RAE1: variants seen among roughly 807,000 people sequenced by gnomAD.
RAE1 encodes the protein ribonucleic acid export 1.
A neutral mutation model predicts 52.7 loss-of-function variants in RAE1; 13 were observed. The observed-to-expected ratio is 0.25, with a 90% confidence interval of 0.16 to 0.39. The LOEUF (loss-of-function observed/expected upper bound fraction) is 0.39, where lower values mean the gene tolerates loss of function less well. RAE1 is among the 10% of genes least tolerant of loss of function. The probability of loss-of-function intolerance (pLI) is 1.00; values close to 1 mark genes in which losing one functional copy is unlikely to be tolerated. For missense variants in RAE1, 262 were observed against 459.8 expected, an observed-to-expected ratio of 0.57 and a Z score of 3.93; for synonymous variants, 164 against 153.1, an observed-to-expected ratio of 1.07 and a Z score of -0.52.
chr20:57,361,885 G>T (rs2066896694), intron 4 of RAE1, among the ~76,000 whole-genome samples: 1 of 152,256 alleles, frequency 6.6e-6, no homozygotes, highest in Non-Finnish European at 1.5e-5. Context: ...TCCATGGCCT[G>T]TTAGGAACTA....
Position 57,368,723 on chromosome 20 carries a change from G to A in RAE1, c.553G>A (p.Val185Met), listed in dbSNP as rs747894061. 1 of 1,613,360 alleles carries A rather than the reference G, an allele frequency of 6.2e-7. No individual in the cohort carries two copies. The change falls in exon 8 of 12, where the codon GTG (valine) becomes ATG (methionine). Residue 185 changes from valine to methionine, a missense_variant. By Grantham distance (21) the Val-to-Met change is conservative. Transcript: ENST00000395841. ...TCCCTAGATATACCCCATGGCTGTG[G>A]TGGCAACTGCAGAGAGGGGCCTGAT... ...CADVIYPMAV[V>M]ATAERGLIVY...
At chr20:57,373,322 G>GT in intron 8 of RAE1, 153 bp from the exon 9 acceptor site, 1 of 679,450 alleles carries the variant, frequency 1.5e-6, no homozygotes, top group Non-Finnish European at 2.5e-6. Flanking sequence ...TTACTAAGGA[G>GT]TTAGAAAGCA....
chr20:57,374,917 G>A (rs1381652890), intron 11 of RAE1, 116 bp downstream of exon 11: 5 of 1,168,586 alleles, frequency 4.3e-6, no homozygotes, highest in Non-Finnish European at 6.3e-6. Context: ...TCCTTGGGCA[G>A]GTCACCGTCC....
Position 57,374,778 on chromosome 20 carries a change from G to C in RAE1, c.997G>C (p.Ala333Pro), listed in dbSNP as rs754396331. ...TCACAATGGAAACATATTTGCATAC[G>C]CTTCCAGCTACGACTGGTCAAAGGT... The part of the protein sequence containing the change: ...FNHNGNIFAY[A>P]SSYDWSKGHE... The change falls in exon 11 of 12, where the codon GCT (alanine) becomes CCT (proline). Residue 333 changes from alanine (A) to proline (P), a missense_variant. Ala to Pro is a conservative substitution (Grantham distance 27). Transcript: ENST00000395841. 1.2e-6 allele frequency: 2 copies of C among 1,614,154 alleles called. No individual in the cohort carries two copies. Among genetic ancestry groups the C allele is most frequent in the Non-Finnish European group, 1.7e-6 (2 of 1,180,044 alleles).
At position 57,356,527 on chromosome 20, in the gene RAE1, T is replaced by A; in HGVS notation, c.277T>A (p.Cys93Ser). ...GCACACTGGGCCTGTGCTTGATGTC[T>A]GCTGGAGTGACGTACGTTCCCTTCC... is the stretch of plus-strand genomic sequence containing the variant. ...QMHTGPVLDV[C>S]WSDDGSKVFT... is the part of the protein sequence containing the mutation. Residue 93 changes from cysteine to serine, a missense_variant, in exon 4 of 12, where the codon TGC becomes AGC. Coordinates refer to ENST00000395841, the MANE Select transcript of RAE1 (RefSeq NM_003610.4). 6.2e-7 allele frequency: 1 copy of A among 1,611,664 alleles called. No individual in the cohort carries two copies. The highest frequency in any genetic ancestry group is 8.5e-7 in the Non-Finnish European group (1 of 1,178,038).
chr20:57,356,514 T>A lies in RAE1; in HGVS notation c.264T>A (p.Pro88=). The change falls in exon 4 of 12, where the codon CCT becomes CCA. Residue 88 remains proline, a synonymous_variant. Coordinates refer to ENST00000395841, the MANE Select transcript of RAE1 (RefSeq NM_003610.4). ...AAGCCCAGCAGATGCACACTGGGCCTGTGCTTGATGTCTGCTGGAGTGACG... is the reference window on the plus strand; with the variant it reads ...AAGCCCAGCAGATGCACACTGGGCCAGTGCTTGATGTCTGCTGGAGTGACG... The part of the protein sequence containing the change: ...IPKAQQMHTG[P]VLDVCWSDDG... 1 of 1,612,764 alleles carries A rather than the reference T, an allele frequency of 6.2e-7. No individual in the cohort carries two copies.
chr20:57,376,749 C>G (rs116885216), intron 11 of RAE1, among the ~76,000 whole-genome samples: 2,624 of 152,336 alleles, frequency 0.017, 38 homozygotes, highest in Non-Finnish European at 0.026. Flanking sequence ...TCGGGCTCTT[C>G]ATTGAATCTC....
chr20:57,362,046 T>G (rs903584015), intron 4 of RAE1, among the ~76,000 whole-genome samples: 1 of 152,210 alleles, frequency 6.6e-6, no homozygotes, highest in African/African-American at 2.4e-5. Context: ...GTCTTCCTTA[T>G]GAGAATCTAA....
rs1380187126 is a variant in RAE1 at position 57,378,169 on chromosome 20, C to T, written c.*70C>T. On this transcript the variant is annotated 3_prime_UTR_variant, in exon 12 of 12. Transcript: ENST00000395841. ...GCCTCATCTCTGTACGAATTTGGGT[C>T]CCAGCCTTGTTGGGTTGTCAGCCAT... The T allele has an allele frequency of 1.6e-6, 2 of 1,283,542 alleles. No individual in the cohort carries two copies. The highest frequency in any genetic ancestry group is 2.5e-5 in the East Asian group (1 of 39,946). The allele number at this position is 1,283,542 out of a possible 1,614,324, so 79.5% of individuals were successfully genotyped here.
intron 3 of RAE1, among the ~76,000 whole-genome samples, chr20:57,355,766 G>A (rs2066776312): frequency 6.6e-6 from 1 of 152,230 alleles, no homozygotes. Flanking sequence ...AGGGGCAGCA[G>A]GGGTTAGGAG....
At chr20:57,352,685 G>C (rs1032344781) in intron 1 of RAE1, among the ~76,000 whole-genome samples, 1 of 152,216 alleles carries the variant, frequency 6.6e-6, no homozygotes, top group Middle Eastern at 3.2e-3. Flanking sequence ...TATTTATTAA[G>C]AACCTGTAGT....
intron 8 of RAE1, among the ~76,000 whole-genome samples, chr20:57,369,675 C>CT (rs1262608289): frequency 7.2e-5 from 11 of 152,226 alleles, no homozygotes; most frequent in Admixed American, 2.0e-4. Flanking sequence ...TCAACTCTGT[C>CT]TGCATCATGC....
intron 11 of RAE1, among the ~76,000 whole-genome samples, chr20:57,376,802 T>C (rs1323873033): frequency 1.3e-5 from 2 of 152,240 alleles, no homozygotes; most frequent in Non-Finnish European, 2.9e-5. Flanking sequence ...AAATTCTGCA[T>C]TTTAACTTAA....
chr20:57,366,413 G>C (rs1182267669), intron 5 of RAE1, among the ~76,000 whole-genome samples: 1 of 152,182 alleles, frequency 6.6e-6, no homozygotes, highest in Non-Finnish European at 1.5e-5. Context: ...GGAATCCCAA[G>C]GGAGCAGGAG....
intron 8 of RAE1, among the ~76,000 whole-genome samples, chr20:57,370,119 C>T (rs941012060): frequency 4.6e-5 from 7 of 152,170 alleles, no homozygotes; most frequent in African/African-American, 1.7e-4. Context: ...CAGTACTGCC[C>T]GCGTCCCTAT....
intron 1 of RAE1, among the ~76,000 whole-genome samples, chr20:57,353,495 T>C (rs908418578): frequency 1.3e-5 from 2 of 152,202 alleles, no homozygotes; most frequent in African/African-American, 4.8e-5. Flanking sequence ...TTTAAAACTT[T>C]TACGAAGAAA....
intron 8 of RAE1, chr20:57,372,665 C>G (rs2067053550): frequency 6.6e-6 from 1 of 152,270 alleles, no homozygotes; most frequent in South Asian, 2.1e-4. Context: ...TTCCTTCGTA[C>G]TTAGGAAACG....
intron 1 of RAE1, 135 bp downstream of exon 1, chr20:57,351,557 G>A (rs899185506): frequency 1.0e-6 from 1 of 985,488 alleles, no homozygotes; most frequent in Non-Finnish European, 1.2e-6. Context: ...TCGTTACTGG[G>A]CCCTGGAAGC....
chr20:57,357,092 C>A lies in RAE1; in HGVS notation c.288+554C>A, dbSNP rs531532390. ...AGAAGCTAAGCCTTGAGGCCCCTTC[C>A]GAGGCCTTGTACCTGTTCCTTTAGT... On this transcript the variant is annotated intron_variant, in intron 4 of 11. Coordinates refer to ENST00000395841, the MANE Select transcript of RAE1 (RefSeq NM_003610.4). 1.3e-5 allele frequency among the ~76,000 whole-genome samples: 2 copies of A among 152,230 alleles called. 1 individual carries two copies. The highest frequency in any genetic ancestry group is 1.3e-4 in the Admixed American group (2 of 15,280).
Sources: allele counts gnomAD v4.1 joint callset (sites outside exome capture counted in the v4.1 genomes callset), GRCh38; gene constraint gnomAD v4.1.1; transcripts MANE v1.5; gene names NCBI Gene and HGNC (gene_info 2026-07-23, HGNC 2026-07-21).